Variants in AZIN1 observed in about 807,000 individuals in gnomAD.
The protein encoded by AZIN1 is ornithine decarboxylase antizyme inhibitor.
AZIN1 carries 12 observed loss-of-function variants against 47.4 expected under a neutral mutation model. The observed-to-expected ratio is 0.25, with a 90% confidence interval of 0.16 to 0.41. The LOEUF (loss-of-function observed/expected upper bound fraction) is 0.41, where lower values mean the gene tolerates loss of function less well. Among genes scored for constraint, AZIN1 ranks in the 10% least tolerant of loss-of-function variants. AZIN1 has a pLI of 1.00. For synonymous variants in AZIN1, 155 were observed against 176.3 expected (o/e 0.88, Z 0.96); for missense variants, 410 against 532.4 (o/e 0.77, Z 2.26).
At position 102,843,162 on chromosome 8, in the gene AZIN1, C is replaced by T. The variant is rs149750267; in HGVS notation, c.102+389G>A. The stretch of plus-strand genomic sequence containing the variant: ...GAGGGTTGCACGTGAGCCAAGATCA[C>T]GCCACTGCACTCCAGCCTGGGCGAC... On this transcript the variant is annotated intron_variant, in intron 3 of 11. Transcript: ENST00000337198. Among the ~76,000 whole-genome samples the T allele has an allele frequency of 1.7e-3, 242 of 144,382 alleles. 1 individual carries two copies. Among genetic ancestry groups the T allele is most frequent in the African/African-American group, 6.0e-3 (230 of 38,294 alleles). 94.7% of individuals were successfully genotyped at this position (144,382 alleles called of 152,430 possible). A position where few individuals can be genotyped will look rare whatever the true frequency, so the allele number is the denominator to read the frequency against.
intron 9 of AZIN1, 136 bp downstream of exon 9, chr8:102,832,920 G>A (rs1255453405): frequency 8.2e-6 from 6 of 734,424 alleles, no homozygotes; most frequent in South Asian, 3.8e-5. Context: ...GATTATAGGC[G>A]TGAGCCACCA....
intron 3 of AZIN1, 75 bp from the exon 4 acceptor site, chr8:102,839,898 C>A: frequency 9.5e-7 from 1 of 1,057,172 alleles, no homozygotes; most frequent in Non-Finnish European, 1.4e-6. Flanking sequence ...CAGGAAAGAA[C>A]ACCTCTTTTC....
intron 1 of AZIN1, among the ~76,000 whole-genome samples, chr8:102,862,030 C>CA (rs879368746): frequency 2.3e-3 from 313 of 136,768 alleles, no homozygotes; most frequent in South Asian, 9.1e-3. Context: ...AGCTAGACTC[C>CA]AAAAAAAAAA....
Position 102,847,540 on chromosome 8 carries a change from G to A in AZIN1, c.-95-3793C>T, listed in dbSNP as rs1046067738. On this transcript the variant is annotated intron_variant, in intron 2 of 11. Coordinates refer to ENST00000337198, the MANE Select transcript of AZIN1 (RefSeq NM_148174.4). ...GGTGGTGGTAATGAACTCCCTGGAAGTGTATTGAAAAAGTAGCTCAATTTT... is the reference window on the plus strand; with the variant it reads ...GGTGGTGGTAATGAACTCCCTGGAAATGTATTGAAAAAGTAGCTCAATTTT... 2.0e-5 allele frequency among the ~76,000 whole-genome samples: 3 copies of A among 151,502 alleles called. No homozygotes were observed. The South Asian group carries it at 6.3e-4, about 32-fold the overall frequency.
chr8:102,840,764 A>G (rs190979084), intron 3 of AZIN1, among the ~76,000 whole-genome samples: 7 of 152,354 alleles, frequency 4.6e-5, no homozygotes, highest in Admixed American at 4.6e-4. Flanking sequence ...AGAATCCATG[A>G]AGACAATGTT....
At position 102,827,789 on chromosome 8, in the gene AZIN1, A is replaced by G. The variant is rs950532242; in HGVS notation, c.*778T>C. On this transcript the variant is annotated 3_prime_UTR_variant, in exon 12 of 12. Transcript: ENST00000337198. ...AATTGTTAAACATCATGCTTACTGC[A>G]CATCAACTCTCCATAATGAATCTGA... 2.0e-5 allele frequency: 3 copies of G among 152,674 alleles called. No homozygotes were observed. The highest frequency in any genetic ancestry group is 4.8e-5 in the African/African-American group (2 of 41,472). The allele number at this position is 152,674 out of a possible 1,614,324, so 9.5% of individuals were successfully genotyped here. A position where few individuals can be genotyped will look rare whatever the true frequency, so the allele number is the denominator to read the frequency against.
chr8:102,861,239 T>C (rs1563553609), intron 1 of AZIN1, among the ~76,000 whole-genome samples: 1 of 152,162 alleles, frequency 6.6e-6, no homozygotes, highest in Non-Finnish European at 1.5e-5. Context: ...ATTATTATTT[T>C]TTGAGATGAA....
intron 2 of AZIN1, among the ~76,000 whole-genome samples, chr8:102,855,012 A>G (rs1813192482): frequency 6.6e-6 from 1 of 152,152 alleles, no homozygotes; most frequent in African/African-American, 2.4e-5. Context: ...ATAAATAGAA[A>G]ACTAGCCCAC....
At position 102,861,128 on chromosome 8, in the gene AZIN1, A is replaced by G. The variant is rs74307437; in HGVS notation, c.-234+2679T>C. Among the ~76,000 whole-genome samples, 2,074 of 152,364 alleles carry G rather than the reference A, an allele frequency of 0.014. 115 individuals carry two copies. The East Asian group carries it at 0.2, about 15-fold the overall frequency. ...TTAACAAATGTACTGTAATAACGTA[A>G]GATGTTACTAATAACTGGGTGGGAA... On this transcript the variant is annotated intron_variant, in intron 1 of 11. Transcript: ENST00000337198.
intron 5 of AZIN1, among the ~76,000 whole-genome samples, chr8:102,838,155 G>A (rs900977290): frequency 1.3e-5 from 2 of 151,530 alleles, no homozygotes; most frequent in African/African-American, 2.4e-5. Flanking sequence ...GAGCCACTGC[G>A]CCCAGCCTTT....
chr8:102,840,378 G>A (rs757270044), intron 3 of AZIN1, among the ~76,000 whole-genome samples: 1 of 152,116 alleles, frequency 6.6e-6, no homozygotes, highest in Non-Finnish European at 1.5e-5. Flanking sequence ...GTCTTGCTCT[G>A]TAGCAACAGA....
chr8:102,851,218 C>T (rs1812897243), intron 2 of AZIN1, among the ~76,000 whole-genome samples: 1 of 152,124 alleles, frequency 6.6e-6, no homozygotes, highest in Admixed American at 6.5e-5. Context: ...AGTACACAAT[C>T]ATATTAATTT....
At position 102,829,455 on chromosome 8, in the gene AZIN1, C is replaced by G; in HGVS notation, c.1052G>C (p.Ser351Thr). ...KYKEDEPLFTSSLWGPSCDEL... is the reference protein window; with the variant it reads ...KYKEDEPLFTTSLWGPSCDEL... ...ATCACAGGATGGACCCCAAAGGCTG[C>G]TTGTAAACAGAGGCTCATCTTCCTT... Residue 351 changes from serine (S) to threonine (T), a missense_variant, in exon 11 of 12, where the codon AGC (serine) becomes ACC (threonine). By Grantham distance (58) the Ser-to-Thr change is moderately conservative (BLOSUM62 1). Coordinates refer to ENST00000337198, the MANE Select transcript of AZIN1 (RefSeq NM_148174.4). The G allele has an allele frequency of 1.2e-6, 2 of 1,611,796 alleles. No homozygotes were observed. The highest frequency in any genetic ancestry group is 1.7e-6 in the Non-Finnish European group (2 of 1,179,406).
rs1157134387 is a variant in AZIN1, at chr8:102,829,945, A to G, written c.905-9T>C. On this transcript the variant is annotated splice_polypyrimidine_tract_variant and intron_variant, in intron 9 of 11. Coordinates refer to ENST00000337198, the MANE Select transcript of AZIN1 (RefSeq NM_148174.4). ...ACTTCCGGTTTTTTCTACTGGAATA[A>G]AACAGGAAAGGGGAAAATGAATTTT... is the stretch of plus-strand genomic sequence containing the variant. 6.5e-7 allele frequency: 1 copy of G among 1,532,450 alleles called. No individual in the cohort carries two copies. The highest frequency in any genetic ancestry group is 1.2e-5 in the South Asian group (1 of 85,230). The allele number at this position is 1,532,450 out of a possible 1,614,324, so 94.9% of individuals were successfully genotyped here.
chr8:102,831,057 C>G lies in AZIN1; in HGVS notation c.905-1121G>C, dbSNP rs75714096. 2.3e-4 allele frequency among the ~76,000 whole-genome samples: 35 copies of G among 152,254 alleles called. No homozygotes were observed. In the East Asian group the frequency reaches 6.0e-3, roughly 26 times the overall value. On this transcript the variant is annotated intron_variant, in intron 9 of 11. Transcript: ENST00000337198. ...CAGGTTTTTAAAATATCACTCTCCA[C>G]GAAAACAAACCAAGGCTCCCTGGAG...
chr8:102,857,575 TATAC>T (rs1165830278), intron 2 of AZIN1, among the ~76,000 whole-genome samples: 1 of 152,120 alleles, frequency 6.6e-6, no homozygotes, highest in Non-Finnish European at 1.5e-5. Context: ...TTTAATACCA[TATAC>T]ATATTTAGAT....
rs984190603 is a variant in AZIN1, at chr8:102,833,741, T to C, written c.741+448A>G. Among the ~76,000 whole-genome samples, 14 of 136,818 alleles carry C rather than the reference T, an allele frequency of 1.0e-4. No homozygotes were observed. In the Middle Eastern group the frequency reaches 0.011, roughly 104 times the overall value. 89.8% of individuals were successfully genotyped at this position (136,818 alleles called of 152,430 possible). On this transcript the variant is annotated intron_variant, in intron 8 of 11. Transcript: ENST00000337198. Reference sequence around the variant, plus strand: ...AGTTCCGAGACCAGCCTGGGCAATATAGAAAGACTCAATTTTTTTTTTTTT... The same window carrying C: ...AGTTCCGAGACCAGCCTGGGCAATACAGAAAGACTCAATTTTTTTTTTTTT...
intron 5 of AZIN1, among the ~76,000 whole-genome samples, chr8:102,838,436 T>C (rs192348852): frequency 4.2e-4 from 64 of 152,252 alleles, no homozygotes; most frequent in African/African-American, 1.4e-3. Context: ...AACAAAGTTA[T>C]AGAAATAATG....
At chr8:102,843,824 G>A (rs1020021374) in intron 2 of AZIN1, 77 bp from the exon 3 acceptor site, 3 of 1,031,278 alleles carry the variant, frequency 2.9e-6, no homozygotes, top group African/African-American at 3.3e-5. Flanking sequence ...AGTGTGCTAA[G>A]TGCCTAATTT....
Sources: allele counts gnomAD v4.1 joint callset (sites outside exome capture counted in the v4.1 genomes callset), GRCh38; gene constraint gnomAD v4.1.1; transcripts MANE v1.5; gene names NCBI Gene and HGNC (gene_info 2026-07-23, HGNC 2026-07-21).